The following DGLUCY variants were observed in gnomAD, a reference collection of about 807,000 sequenced individuals.
The protein encoded by DGLUCY is D-glutamate cyclase, mitochondrial.
In DGLUCY, 58 loss-of-function variants were observed where a neutral mutation model predicts 58.5. The observed-to-expected ratio is 0.99, with a 90% CI of 0.80 to 1.23. The LOEUF is 1.23. Among genes scored for constraint, DGLUCY ranks in the 50% most tolerant of loss-of-function variants. The pLI is 0.00. For missense variants in DGLUCY, 779 were observed against 784.7 expected (o/e 0.99, Z 0.09); for synonymous variants, 325 against 314.1 (o/e 1.03, Z -0.37).
chr14:91,211,572 A>G (rs956633387), intron 12 of DGLUCY, among the ~76,000 whole-genome samples: 1 of 152,262 alleles, frequency 6.6e-6, no homozygotes, highest in Non-Finnish European at 1.5e-5. Context: ...AGGCAATGCA[A>G]TGGAGCAAAG....
intron 8 of DGLUCY, among the ~76,000 whole-genome samples, chr14:91,182,221 T>C (rs1288273930): frequency 1.3e-5 from 2 of 152,224 alleles, no homozygotes; most frequent in African/African-American, 4.8e-5. Context: ...CATCAGGTAA[T>C]CCACCCATCT....
chr14:91,171,368 G>T (rs2048566952), intron 5 of DGLUCY, among the ~76,000 whole-genome samples: 2 of 152,216 alleles, frequency 1.3e-5, no homozygotes, highest in African/African-American at 4.8e-5. Context: ...AGTGTCCACA[G>T]TAAGTGCTCA....
chr14:91,220,044 T>C (rs1441927509), intron 13 of DGLUCY, among the ~76,000 whole-genome samples: 1 of 152,186 alleles, frequency 6.6e-6, no homozygotes, highest in Non-Finnish European at 1.5e-5. Context: ...TGGATGCTGG[T>C]CTGGGTTAGG....
chr14:91,060,965 G>GTC (rs2043655990), intron 1 of DGLUCY: 1 of 152,700 alleles, frequency 6.5e-6, no homozygotes, highest in Admixed American at 6.5e-5. Flanking sequence ...CCCCAGAACG[G>GTC]TCACACCCCT....
At chr14:91,209,674 C>G (rs1290310860) in intron 12 of DGLUCY, among the ~76,000 whole-genome samples, 1 of 152,130 alleles carries the variant, frequency 6.6e-6, no homozygotes, top group Non-Finnish European at 1.5e-5. Flanking sequence ...CGCCACTGCA[C>G]TCCAGCCTGG....
intron 1 of DGLUCY, among the ~76,000 whole-genome samples, chr14:91,140,688 A>T (rs2046615381): frequency 6.6e-6 from 1 of 152,104 alleles, no homozygotes; most frequent in South Asian, 2.1e-4. Context: ...ACAAACAAGA[A>T]AATAATTTAT....
chr14:91,142,115 G>T (rs1421430476), intron 1 of DGLUCY, among the ~76,000 whole-genome samples: 2 of 152,156 alleles, frequency 1.3e-5, no homozygotes, highest in African/African-American at 4.8e-5. Context: ...CAAAGTGCTG[G>T]GATTACAGGC....
intron 1 of DGLUCY, among the ~76,000 whole-genome samples, chr14:91,062,270 G>A (rs938886464): frequency 6.6e-6 from 1 of 151,774 alleles, no homozygotes; most frequent in African/African-American, 2.4e-5. Context: ...AAACAGGTCA[G>A]GCGCAGTGGT....
intron 12 of DGLUCY, among the ~76,000 whole-genome samples, chr14:91,211,789 T>A (rs1567011984): frequency 6.6e-6 from 1 of 152,202 alleles, no homozygotes; most frequent in Non-Finnish European, 1.5e-5. Context: ...TATGACTTCT[T>A]TTTATTTTAA....
exon 1 of DGLUCY, chr14:91,060,451 G>T (rs772370418): frequency 2.1e-6 from 3 of 1,436,026 alleles, no homozygotes; most frequent in Admixed American, 2.3e-5. Flanking sequence ...CTTTTTTTCC[G>T]ATCCCGCGGG....
intron 8 of DGLUCY, 87 bp downstream of exon 8, chr14:91,181,476 G>C (rs2049164116): frequency 7.4e-7 from 1 of 1,351,292 alleles, no homozygotes; most frequent in Non-Finnish European, 1.0e-6. Flanking sequence ...CAGTGAAAAA[G>C]GTGGGATGCA....
upstream of DGLUCY, among the ~76,000 whole-genome samples, chr14:91,113,714 G>A (rs1566945529): frequency 6.6e-6 from 1 of 152,138 alleles, no homozygotes; most frequent in Non-Finnish European, 1.5e-5. Flanking sequence ...AGATCTTCTG[G>A]ATCAAGCCTG....
intron 12 of DGLUCY, among the ~76,000 whole-genome samples, chr14:91,212,956 A>G (rs61990154): frequency 0.22 from 33,010 of 148,796 alleles, 3,891 homozygotes; most frequent in African/African-American, 0.26. Context: ...AGCCGAGATC[A>G]TGCCACTGCA....
At chr14:91,142,273 G>A (rs1040352954) in intron 1 of DGLUCY, among the ~76,000 whole-genome samples, 1 of 152,180 alleles carries the variant, frequency 6.6e-6, no homozygotes, top group African/African-American at 2.4e-5. Context: ...CATTTATGCA[G>A]AGTCTAATTC....
chr14:91,137,406 A>G (rs573998170), intron 1 of DGLUCY, among the ~76,000 whole-genome samples: 183 of 147,984 alleles, frequency 1.2e-3, no homozygotes, highest in Middle Eastern at 3.4e-3. Context: ...TTTTTTTTTG[A>G]GACGGAGTCT....
chr14:91,210,815 T>C (rs542140292), intron 12 of DGLUCY, among the ~76,000 whole-genome samples: 1 of 152,342 alleles, frequency 6.6e-6, no homozygotes, highest in South Asian at 2.1e-4. Context: ...AAGGCAATGA[T>C]GTTCCCTCTT....
At chr14:91,081,488 G>A (rs2044126883) in intron 1 of DGLUCY, among the ~76,000 whole-genome samples, 1 of 152,210 alleles carries the variant, frequency 6.6e-6, no homozygotes, top group Non-Finnish European at 1.5e-5. Context: ...TCCTACTGCT[G>A]TTGCAAATAA....
Position 91,189,007 on chromosome 14 carries a change from C to A in DGLUCY, c.1032C>A (p.Phe344Leu). 1 of 1,614,122 alleles carries A rather than the reference C, an allele frequency of 6.2e-7. No homozygotes were observed. The highest frequency in any genetic ancestry group is 8.5e-7 in the Non-Finnish European group (1 of 1,180,014). ...HARSVLITTGFPTHFNHEPPE... is the reference protein window; with the variant it reads ...HARSVLITTGLPTHFNHEPPE... ...GCTCAGTGCTCATCACCACTGGGTT[C>A]CCCACACATTTCAATCATGAGCCTC... Residue 344 changes from phenylalanine to leucine, a missense_variant, in exon 9 of 14, where the codon TTC (phenylalanine) becomes TTA (leucine). Transcript: ENST00000256324.
chr14:91,062,912 A>T (rs1052855138), intron 1 of DGLUCY, among the ~76,000 whole-genome samples: 2 of 152,206 alleles, frequency 1.3e-5, no homozygotes, highest in East Asian at 3.8e-4. Flanking sequence ...TATACCAGTT[A>T]TATACCAAGT....
Sources: gnomAD v4.1 joint callset for allele counts (sites outside exome capture counted in the v4.1 genomes callset) on GRCh38, gnomAD v4.1.1 for gene constraint, MANE v1.5 for transcripts, NCBI Gene and HGNC (gene_info 2026-07-23, HGNC 2026-07-21) for gene names.